The following SLC17A1 variants were observed in gnomAD, a reference collection of about 807,000 sequenced individuals.
SLC17A1 encodes the protein sodium-dependent phosphate transport protein 1.
Under a neutral mutation model 53.5 loss-of-function variants are expected in SLC17A1, and 51 were observed. That is an observed-to-expected ratio of 0.95 (90% CI 0.76 to 1.20). The LOEUF (loss-of-function observed/expected upper bound fraction) is 1.20. Among genes scored for constraint, SLC17A1 ranks in the 50% most tolerant of loss-of-function variants. The pLI is 0.00. For synonymous variants in SLC17A1, 179 were observed against 198.8 expected (o/e 0.90, Z 0.84); for missense variants, 538 against 568.2 (o/e 0.95, Z 0.54).
intron 5 of SLC17A1, 104 bp from the exon 6 acceptor site, chr6:25,819,258 T>C: frequency 1.3e-6 from 1 of 779,440 alleles, no homozygotes; most frequent in Non-Finnish European, 2.1e-6. Context: ...GAAACAAATT[T>C]GTGTATCATA....
intron 10 of SLC17A1, among the ~76,000 whole-genome samples, chr6:25,802,972 A>C (rs1345072441): frequency 3.3e-5 from 3 of 90,692 alleles, no homozygotes; most frequent in Non-Finnish European, 5.5e-5. Flanking sequence ...TTTGAGACGC[A>C]GCCTTGCTCT....
chr6:25,755,189 C>T, the SLC17A1 span, among the ~76,000 whole-genome samples: 1 of 151,856 alleles, frequency 6.6e-6, no homozygotes, highest in African/African-American at 2.4e-5. Flanking sequence ...CACAGTGAGA[C>T]AATAAATGCC....
chr6:25,747,150 C>T, the SLC17A1 span, among the ~76,000 whole-genome samples: 12 of 152,320 alleles, frequency 7.9e-5, no homozygotes, highest in African/African-American at 2.9e-4. Flanking sequence ...GCACCTCCTA[C>T]AGGTAGCAGA....
chr6:25,814,937 G>A (rs1355627311), intron 6 of SLC17A1, among the ~76,000 whole-genome samples: 1 of 151,702 alleles, frequency 6.6e-6, no homozygotes, highest in African/African-American at 2.4e-5. Context: ...AGTGAGCTGA[G>A]ATACTGCCAT....
the SLC17A1 span, chr6:25,773,233 T>A: frequency 6.9e-7 from 1 of 1,456,818 alleles, no homozygotes; most frequent in African/African-American, 1.4e-5. Context: ...CTGAAAGAAG[T>A]ACTTCAATCC....
the SLC17A1 span, among the ~76,000 whole-genome samples, chr6:25,775,525 TCC>T: frequency 6.6e-6 from 1 of 152,038 alleles, no homozygotes; most frequent in East Asian, 1.9e-4. Context: ...AGCTTCGACC[TCC>T]CAGGCTCAAG....
the SLC17A1 span, among the ~76,000 whole-genome samples, chr6:25,765,539 G>C: frequency 1.3e-5 from 2 of 152,124 alleles, no homozygotes; most frequent in Non-Finnish European, 2.9e-5. Context: ...ATTTCTTAAA[G>C]TTCTCAATAA....
At chr6:25,777,887 T>C in the SLC17A1 span, 2 of 1,531,558 alleles carry the variant, frequency 1.3e-6, no homozygotes, top group Non-Finnish European at 1.8e-6. Flanking sequence ...CAAACGTAGG[T>C]ATACTTGGTT....
chr6:25,806,446 A>G (rs1221538050), intron 10 of SLC17A1, among the ~76,000 whole-genome samples: 1 of 152,108 alleles, frequency 6.6e-6, no homozygotes, highest in Non-Finnish European at 1.5e-5. Context: ...AGTTGAAAGC[A>G]TTCCTCCTGA....
the SLC17A1 span, among the ~76,000 whole-genome samples, chr6:25,763,959 C>T: frequency 2.0e-5 from 3 of 152,154 alleles, no homozygotes; most frequent in Non-Finnish European, 4.4e-5. Flanking sequence ...CTGGAAGATT[C>T]CACAAACGTT....
the SLC17A1 span, chr6:25,726,499 T>A: frequency 1.4e-5 from 22 of 1,611,460 alleles, no homozygotes; most frequent in Admixed American, 3.5e-4. Flanking sequence ...GGCGCGTGCT[T>A]TTCCTCCCTG....
In SLC17A1 at chr6:25,821,151, T is replaced by A. The variant is rs978271899; in HGVS notation, c.208-1236A>T. Among the ~76,000 whole-genome samples the A allele has an allele frequency of 1.1e-4, 16 of 152,180 alleles. No homozygotes were observed. The East Asian group carries it at 2.9e-3, about 27-fold the overall frequency. Reference sequence around the variant, plus strand: ...AAGAGTTTCCTGAATAAACAGTGAATGTGCTGGATGTTATTTTTGGTTGAA... The same window carrying A: ...AAGAGTTTCCTGAATAAACAGTGAAAGTGCTGGATGTTATTTTTGGTTGAA... On this transcript the variant is annotated intron_variant, in intron 3 of 12. Coordinates refer to ENST00000244527, the MANE Select transcript of SLC17A1 (RefSeq NM_005074.5).
In SLC17A1 at chr6:25,811,414, A is replaced by C; in HGVS notation, c.1162T>G (p.Leu388Val). ...AAATCCTACCTGGGAGCAATATCCA[A>C]GCCATTTATAAACACTCCACCCAAG... ...FCLGGVFING[L>V]DIAPRYFGFI... The change falls in exon 10 of 13, where the codon TTG becomes GTG. Residue 388 changes from leucine to valine, a missense_variant. By Grantham distance (32) the Leu-to-Val change is conservative (BLOSUM62 1). Transcript: ENST00000244527. The C allele has an allele frequency of 6.2e-7, 1 of 1,612,932 alleles. No individual in the cohort carries two copies. The highest frequency in any genetic ancestry group is 8.5e-7 in the Non-Finnish European group (1 of 1,179,294).
the SLC17A1 span, chr6:25,727,105 C>G: frequency 2.5e-6 from 4 of 1,614,254 alleles, no homozygotes; most frequent in South Asian, 4.4e-5. Flanking sequence ...ATTATGAATT[C>G]CTTCGTCACT....
chr6:25,781,971 T>C (rs1262986038), downstream of SLC17A1, among the ~76,000 whole-genome samples: 2 of 152,102 alleles, frequency 1.3e-5, no homozygotes, highest in Non-Finnish European at 2.9e-5. Context: ...TGTGAGAAGG[T>C]GCTAGCTGAC....
At chr6:25,825,126 C>T (rs1764696321) in intron 3 of SLC17A1, among the ~76,000 whole-genome samples, 1 of 151,830 alleles carries the variant, frequency 6.6e-6, no homozygotes, top group South Asian at 2.1e-4. Context: ...AACAGGATTT[C>T]TTGTAGATAG....
the SLC17A1 span, among the ~76,000 whole-genome samples, chr6:25,748,565 A>G: frequency 1.3e-5 from 2 of 152,204 alleles, no homozygotes; most frequent in Non-Finnish European, 2.9e-5. Context: ...TAAGACACAC[A>G]GACAAAGTAT....
the SLC17A1 span, among the ~76,000 whole-genome samples, chr6:25,758,742 CT>C: frequency 0.81 from 123,127 of 152,066 alleles, 51,105 homozygotes; most frequent in East Asian, 0.98. Context: ...AAAGAACCAG[CT>C]TTTTTGTTTC....
Position 25,813,178 on chromosome 6 carries a change from C to A in SLC17A1, c.652G>T (p.Val218Phe). 1 of 1,614,094 alleles carries A rather than the reference C, an allele frequency of 6.2e-7. No homozygotes were observed. The highest frequency in any genetic ancestry group is 1.1e-5 in the South Asian group (1 of 91,080). Residue 218 changes from valine (V) to phenylalanine (F), a missense_variant, in exon 7 of 13, where the codon GTT (valine) becomes TTT (phenylalanine). Coordinates refer to ENST00000244527, the MANE Select transcript of SLC17A1 (RefSeq NM_005074.5). ...TCTTTGGGGTCATCATAAAACAGAA[C>A]GAACCAGAGAAGACATACGGCACAG... ...CGCAVCLLWF[V>F]LFYDDPKDHP...
Sources: allele counts gnomAD v4.1 joint callset (sites outside exome capture counted in the v4.1 genomes callset), GRCh38; gene constraint gnomAD v4.1.1; transcripts MANE v1.5; gene names NCBI Gene and HGNC (gene_info 2026-07-23, HGNC 2026-07-21).